Variants in SPINK5 observed in about 807,000 individuals in gnomAD.
SPINK5 encodes the protein serine peptidase inhibitor Kazal type 5.
A neutral mutation model predicts 151.8 loss-of-function variants in SPINK5; 125 were observed. The ratio of observed to expected loss-of-function variants is 0.82; its 90% confidence interval spans 0.71 to 0.96. The LOEUF is 0.96. SPINK5 is among the 40% of genes least tolerant of loss of function. The probability of loss-of-function intolerance (pLI) is 0.00; values close to 1 mark genes in which losing one functional copy is unlikely to be tolerated. For synonymous variants in SPINK5, 374 were observed against 395.3 expected (o/e 0.95, Z 0.64); for missense variants, 1,194 against 1,291.9 (o/e 0.92, Z 1.16).
At chr5:148,099,190 G>A in intron 11 of SPINK5, 44 bp from the exon 12 acceptor site, 4 of 1,538,986 alleles carry the variant, frequency 2.6e-6, no homozygotes, top group Non-Finnish European at 3.6e-6. Flanking sequence ...ATCATGGCAT[G>A]TGTTTGTTCC....
In SPINK5 at chr5:148,133,888, G is replaced by C; in HGVS notation, c.3186+1G>C. 6.2e-7 allele frequency: 1 copy of C among 1,613,868 alleles called. No homozygotes were observed. Among genetic ancestry groups the C allele is most frequent in the Non-Finnish European group, 8.5e-7 (1 of 1,179,876 alleles). ...CACCGCAGCCAGCATGCCCCCGTCT[G>C]TAAGTACATAAGTAGACTGGCCTCC... On this transcript the variant is annotated splice_donor_variant, in intron 32 of 32. Transcript: ENST00000256084. LOFTEE classifies it high-confidence loss of function.
At chr5:148,118,355 C>T (rs1754154293) in intron 22 of SPINK5, 82 bp from the exon 23 acceptor site, 2 of 1,597,530 alleles carry the variant, frequency 1.3e-6, no homozygotes, top group East Asian at 4.5e-5. Flanking sequence ...AAGAACTTCT[C>T]TTACTCAGAC....
intron 8 of SPINK5, among the ~76,000 whole-genome samples, chr5:148,091,824 AT>A (rs1221752758): frequency 6.6e-6 from 1 of 151,662 alleles, no homozygotes; most frequent in African/African-American, 2.4e-5. Flanking sequence ...CCTTAAAATT[AT>A]TTTTTTGAAA....
rs1404839396 is a variant in SPINK5, at chr5:148,088,453, G to A, written c.411-89G>A. ...GGCAGCTGTTTTCGGGAGTAAAGGAGAATGACAATGCAATGTAGAGCAGTT... is the reference window on the plus strand; with the variant it reads ...GGCAGCTGTTTTCGGGAGTAAAGGAAAATGACAATGCAATGTAGAGCAGTT... On this transcript the variant is annotated intron_variant, in intron 5 of 32. Transcript: ENST00000256084. 2.6e-6 allele frequency: 3 copies of A among 1,147,430 alleles called. No individual in the cohort carries two copies. The Admixed American group carries it at 5.3e-5, about 20-fold the overall frequency. The allele number at this position is 1,147,430 out of a possible 1,614,324, so 71.1% of individuals were successfully genotyped here.
intron 22 of SPINK5, among the ~76,000 whole-genome samples, chr5:148,116,738 A>G (rs906641253): frequency 7.2e-5 from 11 of 152,224 alleles, no homozygotes; most frequent in Middle Eastern, 3.2e-3. Flanking sequence ...CCTCATATCA[A>G]TAATCGTTCT....
chr5:148,083,981 C>A (rs549544534), intron 4 of SPINK5, among the ~76,000 whole-genome samples: 1 of 151,718 alleles, frequency 6.6e-6, no homozygotes, highest in African/African-American at 2.4e-5. Context: ...TTTCCATATA[C>A]AAAATTTCCA....
At chr5:148,068,705 GTTTA>G (rs1293055768) in intron 2 of SPINK5, among the ~76,000 whole-genome samples, 4 of 151,546 alleles carry the variant, frequency 2.6e-5, no homozygotes, top group Non-Finnish European at 5.9e-5. Flanking sequence ...CAAAAGCTTT[GTTTA>G]TTTGTTTCCT....
At position 148,088,528 on chromosome 5, in the gene SPINK5, A is replaced by G; in HGVS notation, c.411-14A>G. ...TGATATTAAACTGCTGTGTCTACTA[A>G]CTTTTGATTCTAGGAAAACCGGGTC... On this transcript the variant is annotated splice_polypyrimidine_tract_variant and intron_variant, in intron 5 of 32. Transcript: ENST00000256084. 1 of 1,611,004 alleles carries G rather than the reference A, an allele frequency of 6.2e-7. No individual in the cohort carries two copies. The highest frequency in any genetic ancestry group is 8.5e-7 in the Non-Finnish European group (1 of 1,177,984).
At chr5:148,072,019 A>G (rs1290980063) in intron 3 of SPINK5, 129 bp from the exon 4 acceptor site, 45 of 796,672 alleles carry the variant, frequency 5.6e-5, no homozygotes, top group Non-Finnish European at 1.5e-5. Context: ...ACTTCTGAAC[A>G]TGCTACCAAT....
intron 4 of SPINK5, among the ~76,000 whole-genome samples, chr5:148,080,357 T>C (rs1192004065): frequency 1.3e-5 from 2 of 151,396 alleles, no homozygotes; most frequent in Non-Finnish European, 3.0e-5. Flanking sequence ...CAAAATCTTG[T>C]CAGTCTTTCT....
At chr5:148,103,389 G>T (rs1361200395) in intron 15 of SPINK5, among the ~76,000 whole-genome samples, 1 of 152,154 alleles carries the variant, frequency 6.6e-6, no homozygotes, top group African/African-American at 2.4e-5. Flanking sequence ...ATTTCTTGTT[G>T]TGGGGTATAA....
At chr5:148,073,670 C>A (rs1041008724) in intron 4 of SPINK5, among the ~76,000 whole-genome samples, 2 of 151,510 alleles carry the variant, frequency 1.3e-5, no homozygotes, top group Non-Finnish European at 2.9e-5. Flanking sequence ...CCAATTTTAA[C>A]AAACCTATCT....
chr5:148,074,888 TA>T (rs1245474319), intron 4 of SPINK5, among the ~76,000 whole-genome samples: 4 of 151,786 alleles, frequency 2.6e-5, no homozygotes, highest in African/African-American at 9.7e-5. Context: ...AATTTATTAC[TA>T]TTTTGAATAT....
chr5:148,113,044 C>T (rs1033912283), intron 20 of SPINK5, 110 bp downstream of exon 20: 2 of 1,524,222 alleles, frequency 1.3e-6, no homozygotes, highest in Admixed American at 2.0e-5. Flanking sequence ...ACTAGGGGTT[C>T]ATTTAGTCCA....
At chr5:148,076,998 T>G (rs1023437162) in intron 4 of SPINK5, among the ~76,000 whole-genome samples, 2 of 151,110 alleles carry the variant, frequency 1.3e-5, no homozygotes, top group African/African-American at 4.9e-5. Context: ...AGCCAACATA[T>G]GCATAATGGG....
chr5:148,122,001 AGT>A (rs35297940), intron 26 of SPINK5, among the ~76,000 whole-genome samples: 12,041 of 148,066 alleles, frequency 0.081, 845 homozygotes, highest in African/African-American at 0.19. Context: ...ATTGTGTGTG[AGT>A]GTGTGTGTGT....
At chr5:148,091,945 G>A (rs1753323516) in intron 8 of SPINK5, among the ~76,000 whole-genome samples, 1 of 151,848 alleles carries the variant, frequency 6.6e-6, no homozygotes, top group Non-Finnish European at 1.5e-5. Context: ...AGGGATAGCA[G>A]TTTCTTTGCT....
At position 148,094,437 on chromosome 5, in the gene SPINK5, C is replaced by T. The variant is rs199793551; in HGVS notation, c.750C>T (p.Asp250=). ...TRESDPVRGP[D]GRMHGNKCAL... ...AGAGTGATCCAGTCCGTGGCCCTGA[C>T]GGCAGGATGCATGGCAACAAATGTG... The change falls in exon 9 of 33, where the codon GAC becomes GAT. Residue 250 remains aspartate (D), a synonymous_variant. Coordinates refer to ENST00000256084, the MANE Select transcript of SPINK5 (RefSeq NM_006846.4). The T allele has an allele frequency of 2.4e-4, 382 of 1,612,748 alleles. 1 individual carries two copies. In the East Asian group the frequency reaches 3.2e-3, roughly 13 times the overall value.
chr5:148,116,473 G>C lies in SPINK5; in HGVS notation c.2112+7G>C. On this transcript the variant is annotated splice_region_variant and intron_variant, in intron 22 of 32. Transcript: ENST00000256084. The stretch of plus-strand genomic sequence containing the variant: ...TGGAGGAGGAAACACTCAGGTGAGA[G>C]CAACCTCTAATTTCAGTAACTGGGG... 1 of 1,613,940 alleles carries C rather than the reference G, an allele frequency of 6.2e-7. No individual in the cohort carries two copies. Among genetic ancestry groups the C allele is most frequent in the Non-Finnish European group, 8.5e-7 (1 of 1,179,826 alleles).
Sources: allele counts gnomAD v4.1 joint callset (sites outside exome capture counted in the v4.1 genomes callset), GRCh38; gene constraint gnomAD v4.1.1; transcripts MANE v1.5; gene names NCBI Gene and HGNC (gene_info 2026-07-23, HGNC 2026-07-21).